KDM4C: variants seen among roughly 807,000 people sequenced by gnomAD.
KDM4C encodes lysine demethylase 4C.
Under a neutral mutation model 129.3 loss-of-function variants are expected in KDM4C, and 81 were observed. That is an observed-to-expected ratio of 0.63 (90% confidence interval 0.52 to 0.75). The LOEUF is 0.75. Ranked by LOEUF, KDM4C falls within the 30% of genes least tolerant of loss-of-function variation. The pLI is 0.00. For synonymous variants in KDM4C, 573 were observed against 456.1 expected (o/e 1.26, Z -3.26); for missense variants, 1,457 against 1,304.0 (o/e 1.12, Z -1.81).
intron 8 of KDM4C, among the ~76,000 whole-genome samples, chr9:6,957,802 C>T (rs980692300): frequency 1.3e-5 from 2 of 152,136 alleles, no homozygotes; most frequent in African/African-American, 2.4e-5. Context: ...GCATACTGGC[C>T]CTCTTGCTTC....
intron 15 of KDM4C, among the ~76,000 whole-genome samples, chr9:7,031,028 C>G (rs959669639): frequency 6.6e-6 from 1 of 152,022 alleles, no homozygotes; most frequent in African/African-American, 2.4e-5. Flanking sequence ...ACATAACATT[C>G]TTTTTCTTTT....
chr9:7,051,377 A>ATTGATG (rs1830132825), intron 17 of KDM4C, among the ~76,000 whole-genome samples: 1 of 152,160 alleles, frequency 6.6e-6, no homozygotes, highest in Non-Finnish European at 1.5e-5. Context: ...CCCAGTCTTC[A>ATTGATG]TTGATGTTCC....
chr9:6,765,704 C>G (rs1050326307), intron 1 of KDM4C, among the ~76,000 whole-genome samples: 1 of 152,046 alleles, frequency 6.6e-6, no homozygotes, highest in African/African-American at 2.4e-5. Flanking sequence ...TACATCTTAC[C>G]CATCGTGACC....
intron 17 of KDM4C, among the ~76,000 whole-genome samples, chr9:7,049,621 C>T (rs1022599694): frequency 9.2e-5 from 14 of 152,018 alleles, no homozygotes; most frequent in African/African-American, 2.9e-4. Flanking sequence ...CAAGAAGAGA[C>T]ACACAGAGAA....
intron 6 of KDM4C, among the ~76,000 whole-genome samples, chr9:6,882,369 C>T (rs1386304955): frequency 6.6e-6 from 1 of 152,042 alleles, no homozygotes; most frequent in Non-Finnish European, 1.5e-5. Flanking sequence ...CTAAATCTCA[C>T]CTATTTTAGA....
intron 4 of KDM4C, among the ~76,000 whole-genome samples, chr9:6,837,817 A>G (rs1021831075): frequency 6.6e-6 from 1 of 152,130 alleles, no homozygotes; most frequent in East Asian, 1.9e-4. Context: ...CTTTTAATGA[A>G]CAAATGTCTT....
At chr9:7,039,224 C>G (rs1476720882) in intron 15 of KDM4C, among the ~76,000 whole-genome samples, 3 of 151,972 alleles carry the variant, frequency 2.0e-5, no homozygotes, top group Admixed American at 6.6e-5. Context: ...CATAAACACA[C>G]ACTCCATTCA....
chr9:7,021,924 A>G (rs72703338), intron 15 of KDM4C, among the ~76,000 whole-genome samples: 13,603 of 152,094 alleles, frequency 0.089, 771 homozygotes, highest in East Asian at 0.18. Flanking sequence ...CCTGTTCCCA[A>G]TGTATATTCT....
chr9:6,962,773 A>G (rs1563893742), intron 8 of KDM4C, among the ~76,000 whole-genome samples: 1 of 152,196 alleles, frequency 6.6e-6, no homozygotes, highest in South Asian at 2.1e-4. Context: ...TTTAGGTAAC[A>G]TGAAAACTTT....
intron 19 of KDM4C, among the ~76,000 whole-genome samples, chr9:7,143,885 G>A (rs1190673212): frequency 6.6e-6 from 1 of 152,194 alleles, no homozygotes; most frequent in East Asian, 1.9e-4. Context: ...ATAAGTCAGT[G>A]TATAATGAGC....
chr9:6,778,600 C>T (rs1447993520), intron 1 of KDM4C, among the ~76,000 whole-genome samples: 1 of 151,480 alleles, frequency 6.6e-6, no homozygotes, highest in Non-Finnish European at 1.5e-5. Context: ...AACCCCGCCT[C>T]TACTAAAAAT....
chr9:7,142,853 C>CTGTG lies in KDM4C; in HGVS notation c.2781+14635_2781+14638dup, dbSNP rs59576344. Among the ~76,000 whole-genome samples, 3,599 of 150,210 alleles carry CTGTG rather than the reference C, an allele frequency of 0.024. 249 individuals are homozygous for CTGTG. In the East Asian group the frequency reaches 0.26, roughly 11 times the overall value. On this transcript the variant is annotated intron_variant, in intron 19 of 21. Transcript: ENST00000381309. ...AGGATTTTAAAAATGCTCATACAGG[C>CTGTG]TGTGTGTGTGTGTGTGTGTGTACAC...
At chr9:7,127,030 AAGATGGATGGATGGATTGAT>A (rs775258580) in intron 18 of KDM4C, among the ~76,000 whole-genome samples, 3 of 152,148 alleles carry the variant, frequency 2.0e-5, no homozygotes, top group Non-Finnish European at 4.4e-5. Context: ...GATAGAAGGA[AAGATGGATGGATGGATTGAT>A]GGATGGATGG....
At chr9:6,791,573 A>G (rs190942509) in intron 1 of KDM4C, among the ~76,000 whole-genome samples, 3 of 152,356 alleles carry the variant, frequency 2.0e-5, no homozygotes, top group African/African-American at 7.2e-5. Context: ...AAGGCATGAT[A>G]TGACAATCTG....
intron 17 of KDM4C, chr9:7,077,130 A>C: frequency 1.0e-6 from 1 of 985,426 alleles, no homozygotes; most frequent in South Asian, 4.7e-5. Context: ...AGATGTGGAC[A>C]CTGGGCTGAC....
chr9:6,794,883 C>G (rs915870347), intron 2 of KDM4C, among the ~76,000 whole-genome samples: 1 of 152,134 alleles, frequency 6.6e-6, no homozygotes, highest in African/African-American at 2.4e-5. Flanking sequence ...GAGAGATCCA[C>G]TATATGATAT....
At chr9:7,029,050 C>T (rs7851112) in intron 15 of KDM4C, among the ~76,000 whole-genome samples, 103,401 of 151,922 alleles carry the variant, frequency 0.68, 36,387 homozygotes, top group East Asian at 1. Context: ...CTTTTTTATA[C>T]AGATGGTTGT....
At chr9:7,038,006 A>G (rs1252318489) in intron 15 of KDM4C, among the ~76,000 whole-genome samples, 2 of 152,032 alleles carry the variant, frequency 1.3e-5, no homozygotes, top group East Asian at 1.9e-4. Flanking sequence ...TTATTTATTT[A>G]TTTTGTTCTG....
chr9:7,061,905 T>G (rs1055042712), intron 17 of KDM4C, among the ~76,000 whole-genome samples: 41 of 152,354 alleles, frequency 2.7e-4, no homozygotes, highest in Admixed American at 9.8e-4. Flanking sequence ...CACCCTAATT[T>G]CAGCACTTCC....
Sources: allele counts gnomAD v4.1 joint callset (sites outside exome capture counted in the v4.1 genomes callset), GRCh38; gene constraint gnomAD v4.1.1; transcripts MANE v1.5; gene names NCBI Gene and HGNC (gene_info 2026-07-23, HGNC 2026-07-21).